The following FNDC3B variants were observed in gnomAD, a reference collection of about 807,000 sequenced individuals.
The protein encoded by FNDC3B is fibronectin type III domain containing 3B.
A neutral mutation model predicts 151.5 loss-of-function variants in FNDC3B; 12 were observed. The observed-to-expected ratio is 0.08, with a 90% CI of 0.05 to 0.13. The LOEUF is 0.13. Ranked by LOEUF, FNDC3B falls within the 10% of genes least tolerant of loss-of-function variation. The pLI is 1.00. For synonymous variants in FNDC3B, 528 were observed against 549.0 expected, an observed-to-expected ratio of 0.96 and a Z score of 0.54; for missense variants, 1,214 against 1,505.3, an observed-to-expected ratio of 0.81 and a Z score of 3.20.
chr3:172,133,254 G>A (rs183339379), intron 2 of FNDC3B, among the ~76,000 whole-genome samples: 3 of 152,298 alleles, frequency 2.0e-5, no homozygotes, highest in African/African-American at 7.2e-5. Context: ...AAGTTAGATA[G>A]CATCATAAGC....
At chr3:172,378,656 T>G (rs984595228) in intron 24 of FNDC3B, among the ~76,000 whole-genome samples, 4 of 152,200 alleles carry the variant, frequency 2.6e-5, no homozygotes, top group African/African-American at 9.7e-5. Context: ...TATGCATGTT[T>G]ATCAAAAATA....
chr3:172,060,444 G>A (rs967015012), intron 1 of FNDC3B, among the ~76,000 whole-genome samples: 3 of 152,024 alleles, frequency 2.0e-5, no homozygotes, highest in African/African-American at 7.3e-5. Flanking sequence ...ACCATGGTGA[G>A]AGAAAACCCT....
intron 1 of FNDC3B, among the ~76,000 whole-genome samples, chr3:172,099,019 G>A (rs1719236420): frequency 6.6e-6 from 1 of 152,232 alleles, no homozygotes; most frequent in Non-Finnish European, 1.5e-5. Context: ...CAGGCTAACA[G>A]TGACTGGCTA....
intron 3 of FNDC3B, among the ~76,000 whole-genome samples, chr3:172,170,556 G>GA (rs1188334129): frequency 6.6e-6 from 1 of 152,234 alleles, no homozygotes; most frequent in Admixed American, 6.5e-5. Flanking sequence ...TGGGAGAGAA[G>GA]AAAAAGAGAT....
At chr3:172,149,686 T>C (rs1722108089) in intron 3 of FNDC3B, among the ~76,000 whole-genome samples, 1 of 152,092 alleles carries the variant, frequency 6.6e-6, no homozygotes, top group Non-Finnish European at 1.5e-5. Context: ...TCTAAAATTT[T>C]ATAAGCATAT....
intron 9 of FNDC3B, among the ~76,000 whole-genome samples, chr3:172,299,696 C>G (rs1313122786): frequency 6.6e-6 from 1 of 151,576 alleles, no homozygotes; most frequent in Non-Finnish European, 1.5e-5. Flanking sequence ...ACATCTATTA[C>G]TATACTTTCC....
At chr3:172,336,717 G>A (rs926362303) in intron 15 of FNDC3B, among the ~76,000 whole-genome samples, 13 of 152,010 alleles carry the variant, frequency 8.6e-5, no homozygotes, top group South Asian at 4.2e-4. Flanking sequence ...CCTGACTAAC[G>A]TGGTGAAACC....
chr3:172,296,059 G>C (rs565907519), intron 8 of FNDC3B, among the ~76,000 whole-genome samples: 1 of 152,156 alleles, frequency 6.6e-6, no homozygotes, highest in South Asian at 2.1e-4. Context: ...TGGACTCCCA[G>C]GTATTGACCA....
intron 3 of FNDC3B, among the ~76,000 whole-genome samples, chr3:172,217,588 A>G (rs1726054817): frequency 6.6e-6 from 1 of 152,220 alleles, no homozygotes; most frequent in South Asian, 2.1e-4. Flanking sequence ...GATTGAATTT[A>G]ATAAAACATA....
intron 6 of FNDC3B, among the ~76,000 whole-genome samples, chr3:172,276,204 A>C (rs770614085): frequency 2.0e-5 from 3 of 152,232 alleles, no homozygotes; most frequent in African/African-American, 7.2e-5. Context: ...CTTGCAGTCT[A>C]GTGGCACTTT....
chr3:172,093,618 C>T (rs1347142661), intron 1 of FNDC3B, among the ~76,000 whole-genome samples: 5 of 151,818 alleles, frequency 3.3e-5, no homozygotes, highest in African/African-American at 7.3e-5. Flanking sequence ...AGGGTGGTCT[C>T]GAACTCCTGG....
At chr3:172,259,151 A>G (rs1728518685) in intron 6 of FNDC3B, among the ~76,000 whole-genome samples, 1 of 152,244 alleles carries the variant, frequency 6.6e-6, no homozygotes, top group Non-Finnish European at 1.5e-5. Flanking sequence ...AAACATGAGA[A>G]AAGTTAAAAG....
At chr3:172,116,492 T>G (rs920926296) in intron 2 of FNDC3B, among the ~76,000 whole-genome samples, 1 of 152,212 alleles carries the variant, frequency 6.6e-6, no homozygotes, top group Non-Finnish European at 1.5e-5. Flanking sequence ...TAGGTAGATA[T>G]TGCCTATTCT....
chr3:172,210,515 A>G (rs911387712), intron 3 of FNDC3B, among the ~76,000 whole-genome samples: 2 of 151,934 alleles, frequency 1.3e-5, no homozygotes, highest in Non-Finnish European at 2.9e-5. Flanking sequence ...CTAATTTTTT[A>G]TTTTTAAAAC....
chr3:172,223,882 G>T (rs188719169), intron 3 of FNDC3B, among the ~76,000 whole-genome samples: 1 of 152,250 alleles, frequency 6.6e-6, no homozygotes, highest in Non-Finnish European at 1.5e-5. Context: ...AGTGATTATT[G>T]TGCCATGCAC....
intron 14 of FNDC3B, among the ~76,000 whole-genome samples, chr3:172,334,320 C>A (rs993518681): frequency 9.0e-5 from 2 of 22,134 alleles, no homozygotes; most frequent in Non-Finnish European, 6.1e-5. Flanking sequence ...TTTTTATGTC[C>A]CCCCCCCCAC....
Position 172,398,247 on chromosome 3 carries a change from G to T in FNDC3B, c.*772G>T, listed in dbSNP as rs1736392236. The T allele has an allele frequency of 6.6e-6, 1 of 152,522 alleles. No individual in the cohort carries two copies. Among genetic ancestry groups the T allele is most frequent in the Non-Finnish European group, 1.5e-5 (1 of 68,020 alleles). 9.4% of individuals were successfully genotyped at this position (152,522 alleles called of 1,614,324 possible). ...GTTTTCTTGTTCAGCTATTTTAAAGGCTGCTTTAACTTGTTTGTTTGTCTT... is the reference window on the plus strand; with the variant it reads ...GTTTTCTTGTTCAGCTATTTTAAAGTCTGCTTTAACTTGTTTGTTTGTCTT... On this transcript the variant is annotated 3_prime_UTR_variant, in exon 26 of 26. Transcript: ENST00000415807.
chr3:172,249,804 A>G (rs981290166), intron 5 of FNDC3B, among the ~76,000 whole-genome samples: 1 of 152,222 alleles, frequency 6.6e-6, no homozygotes, highest in Non-Finnish European at 1.5e-5. Flanking sequence ...GTTTTTTAAC[A>G]AAACAACTCT....
In FNDC3B at chr3:172,333,080, C is replaced by G; in HGVS notation, c.1555-9C>G. 2.5e-6 allele frequency: 4 copies of G among 1,591,566 alleles called. No homozygotes were observed. The highest frequency in any genetic ancestry group is 3.4e-6 in the Non-Finnish European group (4 of 1,159,614). On this transcript the variant is annotated splice_polypyrimidine_tract_variant and intron_variant, in intron 13 of 25. Coordinates refer to ENST00000415807, the MANE Select transcript of FNDC3B (RefSeq NM_022763.4). Reference sequence around the variant, plus strand: ...ATACTGATGTTTCTTCCTGGCTTTGCCTTTTCAGGATAACCTTTTCCACCC... The same window carrying G: ...ATACTGATGTTTCTTCCTGGCTTTGGCTTTTCAGGATAACCTTTTCCACCC...
Sources: allele counts gnomAD v4.1 joint callset (sites outside exome capture counted in the v4.1 genomes callset), GRCh38; gene constraint gnomAD v4.1.1; transcripts MANE v1.5; gene names NCBI Gene and HGNC (gene_info 2026-07-23, HGNC 2026-07-21).